The following DMD variants were observed in gnomAD, a reference collection of about 807,000 sequenced individuals.
The protein encoded by DMD is dystrophin.
A neutral mutation model predicts 330.1 loss-of-function variants in DMD; 63 were observed. The observed-to-expected ratio is 0.19, with a 90% confidence interval of 0.16 to 0.24. The LOEUF (loss-of-function observed/expected upper bound fraction) is 0.24. Among genes scored for constraint, DMD ranks in the 10% least tolerant of loss-of-function variants. DMD has a pLI of 1.00. For synonymous variants in DMD, 1,223 were observed against 959.8 expected (o/e 1.27, Z -5.07); for missense variants, 3,344 against 2,684.1 (o/e 1.25, Z -5.43).
chrX:32,263,844 T>C (rs1165548668), intron 43 of DMD, among the ~76,000 whole-genome samples: 5 of 111,822 alleles, frequency 4.5e-5, no homozygotes, highest in African/African-American at 1.6e-4. Context: ...CCAACCCTCA[T>C]TTATCCCTCA....
At chrX:32,968,714 T>C (rs933536442) in intron 2 of DMD, among the ~76,000 whole-genome samples, 10 of 109,346 alleles carry the variant, frequency 9.1e-5, no homozygotes, top group African/African-American at 3.3e-4. Context: ...GCTCTCATTA[T>C]TGGAATTAGT....
chrX:31,540,753 A>C (rs1221598624), intron 55 of DMD, among the ~76,000 whole-genome samples: 1 of 112,178 alleles, frequency 8.9e-6, no homozygotes, highest in East Asian at 2.8e-4. Flanking sequence ...CTTAATGCAC[A>C]ATATTACACT....
At chrX:33,284,260 T>A (rs965582499) in intron 1 of DMD, among the ~76,000 whole-genome samples, 1 of 111,250 alleles carries the variant, frequency 9.0e-6, no homozygotes, top group Admixed American at 9.6e-5. Context: ...CAAGACTGTC[T>A]ATTAATAAGA....
rs139656754 is a variant in DMD, at chrX:31,596,365, G to A, written c.8217+31308C>T. On this transcript the variant is annotated intron_variant, in intron 55 of 78. Coordinates refer to ENST00000357033, the MANE Select transcript of DMD (RefSeq NM_004006.3). Reference sequence around the variant, plus strand: ...TCAAGCGATGATGAATAAAGCATAAGGAAAGTTCATGTTATTGGAATGGAG... The same window carrying A: ...TCAAGCGATGATGAATAAAGCATAAAGAAAGTTCATGTTATTGGAATGGAG... Among the ~76,000 whole-genome samples, 664 of 112,025 alleles carry A rather than the reference G, an allele frequency of 5.9e-3. 3 individuals are homozygous for A. The highest frequency in any genetic ancestry group is 0.02 in the African/African-American group (633 of 30,881).
Position 31,627,830 on chromosome X carries a change from G to T in DMD, c.8060C>A (p.Thr2687Asn). 8.3e-7 allele frequency: 1 copy of T among 1,210,176 alleles called. No homozygotes were observed. Among genetic ancestry groups the T allele is most frequent in the Non-Finnish European group, 1.1e-6 (1 of 894,859 alleles). Residue 2687 changes from threonine (T) to asparagine (N), a missense_variant, in exon 55 of 79, where the codon ACT becomes AAT. By Grantham distance (65) the Thr-to-Asn change is moderately conservative. Coordinates refer to ENST00000357033, the MANE Select transcript of DMD (RefSeq NM_004006.3). ...GGGGAACTGTTGCAGTAATCTATGAGTTTCTTCCAAAGCAGCCTCTCGCTC... is the reference window on the plus strand; with the variant it reads ...GGGGAACTGTTGCAGTAATCTATGATTTTCTTCCAAAGCAGCCTCTCGCTC... ...VSEREAALEE[T>N]HRLLQQFPLD...
At chrX:32,450,281 C>T (rs2098324714) in intron 26 of DMD, among the ~76,000 whole-genome samples, 1 of 110,787 alleles carries the variant, frequency 9.0e-6, no homozygotes, top group Admixed American at 9.6e-5. Flanking sequence ...GCATAATCAC[C>T]CTACTCCTTT....
intron 29 of DMD, among the ~76,000 whole-genome samples, chrX:32,429,387 G>GTTTT (rs10692022): frequency 0.37 from 15,883 of 43,438 alleles, 3,258 homozygotes; most frequent in Admixed American, 0.44. Flanking sequence ...TTTTTTTTGG[G>GTTTT]TTTTTTTTTT....
At chrX:32,394,908 C>CAAAAACAAAAACAAAACAAAAAAA (rs1557326692) in intron 30 of DMD, among the ~76,000 whole-genome samples, 10 of 37,132 alleles carry the variant, frequency 2.7e-4, no homozygotes, top group Middle Eastern at 0.012. Flanking sequence ...GAGCAAAAAA[C>CAAAAACAAAAACAAAACAAAAAAA]AAAAAAACAA....
chrX:31,631,367 G>T (rs2079124771), intron 54 of DMD, among the ~76,000 whole-genome samples: 1 of 111,314 alleles, frequency 9.0e-6, no homozygotes, highest in Non-Finnish European at 1.9e-5. Flanking sequence ...GCTGGACTCA[G>T]CTAAAGAGAG....
intron 11 of DMD, among the ~76,000 whole-genome samples, chrX:32,631,453 A>G (rs2058723067): frequency 8.9e-6 from 1 of 111,852 alleles, no homozygotes; most frequent in Non-Finnish European, 1.9e-5. Flanking sequence ...GCAAGATCCT[A>G]TATGTAAGCC....
intron 59 of DMD, among the ~76,000 whole-genome samples, chrX:31,457,684 A>T (rs1406160157): frequency 1.8e-5 from 2 of 111,957 alleles, no homozygotes; most frequent in Non-Finnish European, 3.8e-5. Flanking sequence ...TTAATAGAGG[A>T]ATCTAGAATT....
chrX:33,073,513 T>G (rs887777975), intron 1 of DMD, among the ~76,000 whole-genome samples: 2 of 111,509 alleles, frequency 1.8e-5, no homozygotes, highest in African/African-American at 6.5e-5. Flanking sequence ...TCAGGAACTA[T>G]ACCAAGCCAT....
At position 33,211,444 on chromosome X, in the gene DMD, GT is replaced by G; in HGVS notation, c.-133del. The G allele has an allele frequency of 8.7e-7, 1 of 1,145,111 alleles. No homozygotes were observed. The highest frequency in any genetic ancestry group is 1.8e-5 in the African/African-American group (1 of 55,111). The allele number at this position is 1,145,111 out of a possible 1,213,427, so 94.4% of individuals were successfully genotyped here. A position where few individuals can be genotyped will look rare whatever the true frequency, so the allele number is the denominator to read the frequency against. On this transcript the variant is annotated 5_prime_UTR_variant, in exon 1 of 79. Transcript: ENST00000357033. ...CAGCTTTAAAAAAAGTAACACTTCA[GT>G]TTTTCCTATTCGTTTTTCTCCGAAG... is the stretch of plus-strand genomic sequence containing the variant.
At position 31,889,641 on chromosome X, in the gene DMD, T is replaced by TCACA. The variant is rs1173379258; in HGVS notation, c.6913-14269_6913-14268insTGTG. ...CTCTGTCTCTCTCTCTCTCTCTCTC[T>TCACA]CTCTCTCACACACACACACACACAC... On this transcript the variant is annotated intron_variant, in intron 47 of 78. Coordinates refer to ENST00000357033, the MANE Select transcript of DMD (RefSeq NM_004006.3). Among the ~76,000 whole-genome samples the TCACA allele has an allele frequency of 5.8e-3, 396 of 68,680 alleles. 1 individual carries two copies. Among genetic ancestry groups the TCACA allele is most frequent in the African/African-American group, 0.024 (370 of 15,276 alleles). The allele number at this position is 68,680 out of a possible 115,157, so 59.6% of individuals were successfully genotyped here.
At chrX:33,173,218 T>C (rs969213311) in intron 1 of DMD, among the ~76,000 whole-genome samples, 16 of 111,741 alleles carry the variant, frequency 1.4e-4, no homozygotes, top group Non-Finnish European at 7.6e-5. Flanking sequence ...CCAAAATATA[T>C]GCAATATTTT....
At chrX:32,450,092 C>G (rs140467524) in intron 26 of DMD, among the ~76,000 whole-genome samples, 1 of 110,878 alleles carries the variant, frequency 9.0e-6, no homozygotes, top group Admixed American at 9.6e-5. Context: ...TTTCCCAGTA[C>G]TTGCAAGCCT....
At chrX:33,216,734 CTTTT>C (rs962738915) in intron 1 of DMD, among the ~76,000 whole-genome samples, 5 of 111,153 alleles carry the variant, frequency 4.5e-5, no homozygotes, top group African/African-American at 1.6e-4. Flanking sequence ...TTTTAAATTA[CTTTT>C]TTTTGTCTAC....
intron 18 of DMD, among the ~76,000 whole-genome samples, chrX:32,514,480 G>T (rs1468917102): frequency 8.9e-6 from 1 of 112,076 alleles, no homozygotes; most frequent in Admixed American, 9.4e-5. Flanking sequence ...GGTGGCTCAC[G>T]CCTGTAATCC....
At chrX:31,995,290 G>T (rs1171880185) in intron 44 of DMD, among the ~76,000 whole-genome samples, 1 of 111,798 alleles carries the variant, frequency 8.9e-6, no homozygotes, top group Non-Finnish European at 1.9e-5. Flanking sequence ...TTACTCTATT[G>T]GTTGAAAAGA....
Sources: allele counts gnomAD v4.1 joint callset (sites outside exome capture counted in the v4.1 genomes callset), GRCh38; gene constraint gnomAD v4.1.1; transcripts MANE v1.5; gene names NCBI Gene and HGNC (gene_info 2026-07-23, HGNC 2026-07-21).